CLEC4D: variants seen among roughly 807,000 people sequenced by gnomAD.
CLEC4D encodes C-type (calcium dependent, carbohydrate-recognition domain) lectin, superfamily member 8.
CLEC4D carries 21 observed loss-of-function variants against 21.1 expected under a neutral mutation model. That is an observed-to-expected ratio of 1.00 (90% CI 0.71 to 1.43). CLEC4D has a LOEUF of 1.43. Among genes scored for constraint, CLEC4D ranks in the 40% most tolerant of loss-of-function variants. CLEC4D has a pLI of 0.00. For synonymous variants in CLEC4D, 85 were observed against 83.1 expected (o/e 1.02, Z -0.12); for missense variants, 289 against 260.7 (o/e 1.11, Z -0.75).
chr12:8,519,279 G>T, intron 4 of CLEC4D, 119 bp downstream of exon 4: 1 of 1,372,966 alleles, frequency 7.3e-7, no homozygotes, highest in South Asian at 1.8e-5. Flanking sequence ...TGCCTGGAAA[G>T]CCCTTTCTTC....
At chr12:8,526,159 G>T (rs1226890033), downstream of CLEC4D, among the ~76,000 whole-genome samples, 1 of 152,126 alleles carries the variant, frequency 6.6e-6, no homozygotes, top group Admixed American at 6.5e-5. Context: ...TGATGATTAT[G>T]TGTCTTGGAG....
chr12:8,526,789 A>AT, downstream of CLEC4D, among the ~76,000 whole-genome samples: 1 of 151,946 alleles, frequency 6.6e-6, no homozygotes, highest in Non-Finnish European at 1.5e-5. Flanking sequence ...GGTTTTCAGC[A>AT]TTTTTTCAAT....
chr12:8,531,647 AATT>A, the CLEC4D span, among the ~76,000 whole-genome samples: 27 of 152,318 alleles, frequency 1.8e-4, no homozygotes, highest in Non-Finnish European at 2.9e-4. Context: ...AAATGTGTAC[AATT>A]ATTATGTGTC....
chr12:8,521,262 A>T lies in CLEC4D; in HGVS notation c.639A>T (p.Thr213=), dbSNP rs748248945. ...ASRICKIPGT[T]LN ...GGATTTGTAAAATACCTGGAACAAC[A>T]TTGAACTAGAAACTCAGAAAGTGGT... The change falls in exon 6 of 6, where the codon ACA becomes ACT. Residue 213 remains threonine, a synonymous_variant. Transcript: ENST00000299665. The T allele has an allele frequency of 1.2e-6, 2 of 1,609,498 alleles. No individual in the cohort carries two copies. Among genetic ancestry groups the T allele is most frequent in the Non-Finnish European group, 1.7e-6 (2 of 1,178,218 alleles).
At chr12:8,522,812 G>C (rs1940476040), downstream of CLEC4D, among the ~76,000 whole-genome samples, 1 of 152,100 alleles carries the variant, frequency 6.6e-6, no homozygotes, top group African/African-American at 2.4e-5. Context: ...TTTTCTTCTA[G>C]GGTTTTTACG....
chr12:8,528,132 G>T, the CLEC4D span, among the ~76,000 whole-genome samples: 2 of 152,102 alleles, frequency 1.3e-5, no homozygotes, highest in Non-Finnish European at 2.9e-5. Context: ...TGAGAGGTGG[G>T]GCATTTAAGA....
At chr12:8,528,652 G>A in the CLEC4D span, among the ~76,000 whole-genome samples, 3 of 152,098 alleles carry the variant, frequency 2.0e-5, no homozygotes, top group Admixed American at 2.0e-4. Flanking sequence ...ATTTCAAGCA[G>A]TGTTTTCATT....
rs1054614004 is a variant in CLEC4D at position 8,519,019 on chromosome 12, G to A, written c.243G>A (p.Trp81Ter). ...TAATTTTCACTTGAGGGAGCACCTG[G>A]AACTGTTGTCCTATTGACTGGAGAG... ...SELKSAEGST[W>*]NCCPIDWRAF... Residue 81 changes from tryptophan to a stop codon, truncating the protein, a stop_gained, in exon 4 of 6, where the codon TGG (tryptophan) becomes TGA (stop). Coordinates refer to ENST00000299665, the MANE Select transcript of CLEC4D (RefSeq NM_080387.5). LOFTEE classifies it high-confidence loss of function. The A allele has an allele frequency of 1.2e-6, 2 of 1,613,396 alleles. No homozygotes were observed. The highest frequency in any genetic ancestry group is 2.2e-5 in the South Asian group (2 of 90,912).
chr12:8,517,861 A>G (rs368337997), intron 2 of CLEC4D, among the ~76,000 whole-genome samples: 2,060 of 152,086 alleles, frequency 0.014, 48 homozygotes, highest in African/African-American at 0.046. Flanking sequence ...CAGGAGAATG[A>G]TGTGAACCCG....
At chr12:8,529,651 A>T in the CLEC4D span, among the ~76,000 whole-genome samples, 2 of 152,186 alleles carry the variant, frequency 1.3e-5, no homozygotes, top group Non-Finnish European at 2.9e-5. Flanking sequence ...ACTCCATAAA[A>T]AGCAAAATGT....
intron 2 of CLEC4D, among the ~76,000 whole-genome samples, chr12:8,517,018 A>C (rs888737788): frequency 6.6e-5 from 10 of 152,244 alleles, no homozygotes; most frequent in Admixed American, 6.5e-4. Context: ...ATTGCCGTTC[A>C]AAAACAGGCA....
In CLEC4D at chr12:8,513,773, T is replaced by C; in HGVS notation, c.28+13T>C. 1 of 1,028,906 alleles carries C rather than the reference T, an allele frequency of 9.7e-7. No homozygotes were observed. The highest frequency in any genetic ancestry group is 1.5e-6 in the Non-Finnish European group (1 of 647,620). 63.7% of individuals were successfully genotyped at this position (1,028,906 alleles called of 1,614,324 possible). On this transcript the variant is annotated intron_variant, in intron 1 of 5. Coordinates refer to ENST00000299665, the MANE Select transcript of CLEC4D (RefSeq NM_080387.5). The stretch of plus-strand genomic sequence containing the variant: ...CCTCAAAGTAAACGTGAGTACTTTC[T>C]CTCCTTTCCATTTCAAAGAAGCAGA...
Position 8,520,353 on chromosome 12 carries a change from G to T in CLEC4D, c.500+12G>T. ...AACCCACGCAGAGTGTAAGTATATTGAGTGGGCTAAGGGGATTTATAAGCA... is the reference window on the plus strand; with the variant it reads ...AACCCACGCAGAGTGTAAGTATATTTAGTGGGCTAAGGGGATTTATAAGCA... On this transcript the variant is annotated intron_variant, in intron 5 of 5. Transcript: ENST00000299665. 1 of 1,612,314 alleles carries T rather than the reference G, an allele frequency of 6.2e-7. No individual in the cohort carries two copies. Among genetic ancestry groups the T allele is most frequent in the South Asian group, 1.1e-5 (1 of 90,968 alleles).
Position 8,513,741 on chromosome 12 carries a change from A to G in CLEC4D, c.9A>G (p.Leu3=), listed in dbSNP as rs1940339096. The change falls in exon 1 of 6, where the codon CTA becomes CTG. Residue 3 remains leucine (L), a synonymous_variant. Transcript: ENST00000299665. MG[L]EKPQSKLEGG... is the part of the protein sequence containing the mutation. ...AAGAGACTAATTAGACAATGGGGCTAGAAAAACCTCAAAGTAAACGTGAGT... is the reference window on the plus strand; with the variant it reads ...AAGAGACTAATTAGACAATGGGGCTGGAAAAACCTCAAAGTAAACGTGAGT... 8.7e-7 allele frequency: 1 copy of G among 1,148,112 alleles called. No homozygotes were observed. Among genetic ancestry groups the G allele is most frequent in the Non-Finnish European group, 1.3e-6 (1 of 756,658 alleles). 71.1% of individuals were successfully genotyped at this position (1,148,112 alleles called of 1,614,324 possible). A position where few individuals can be genotyped will look rare whatever the true frequency, so the allele number is the denominator to read the frequency against.
chr12:8,522,393 T>C (rs1387383392), downstream of CLEC4D: 1 of 152,158 alleles, frequency 6.6e-6, no homozygotes, highest in Non-Finnish European at 1.5e-5. Flanking sequence ...TTTTCCTGGA[T>C]CTAAGCTGAA....
chr12:8,526,617 A>G (rs1940506673), downstream of CLEC4D, among the ~76,000 whole-genome samples: 1 of 152,134 alleles, frequency 6.6e-6, no homozygotes, highest in Admixed American at 6.5e-5. Context: ...GCTTCTTTGC[A>G]TTGGGTTAGA....
intron 2 of CLEC4D, among the ~76,000 whole-genome samples, chr12:8,517,839 G>T (rs1465930880): frequency 6.6e-6 from 1 of 152,064 alleles, no homozygotes; most frequent in Non-Finnish European, 1.5e-5. Context: ...CCAGCTACTC[G>T]GGAGGCTGAG....
intron 1 of CLEC4D, among the ~76,000 whole-genome samples, chr12:8,514,757 C>T (rs1224522882): frequency 6.6e-6 from 1 of 152,064 alleles, no homozygotes; most frequent in Non-Finnish European, 1.5e-5. Context: ...CCTGATTGGG[C>T]ATATTTTTGT....
At chr12:8,514,286 C>T (rs1940346688) in intron 1 of CLEC4D, among the ~76,000 whole-genome samples, 1 of 152,038 alleles carries the variant, frequency 6.6e-6, no homozygotes, top group Non-Finnish European at 1.5e-5. Flanking sequence ...TATTGAATTA[C>T]CTTTTTAGGT....
Sources: allele counts gnomAD v4.1 joint callset (sites outside exome capture counted in the v4.1 genomes callset), GRCh38; gene constraint gnomAD v4.1.1; transcripts MANE v1.5; gene names NCBI Gene and HGNC (gene_info 2026-07-23, HGNC 2026-07-21).